The following NAF1 variants were observed in gnomAD, a reference collection of about 807,000 sequenced individuals.
The protein encoded by NAF1 is H/ACA ribonucleoprotein complex non-core subunit NAF1.
In NAF1, 11 loss-of-function variants were observed where a neutral mutation model predicts 40.6. The ratio of observed to expected loss-of-function variants is 0.27; its 90% CI spans 0.17 to 0.45. The LOEUF (loss-of-function observed/expected upper bound fraction) is 0.45. Among genes scored for constraint, NAF1 ranks in the 20% least tolerant of loss-of-function variants. The probability of loss-of-function intolerance (pLI) is 1.00; values close to 1 mark genes in which losing one functional copy is unlikely to be tolerated. For missense variants in NAF1, 607 were observed against 611.1 expected (o/e 0.99, Z 0.07); for synonymous variants, 260 against 228.5 (o/e 1.14, Z -1.24).
intron 2 of NAF1, among the ~76,000 whole-genome samples, chr4:163,120,492 T>A (rs1730485865): frequency 6.6e-6 from 1 of 152,230 alleles, no homozygotes. Flanking sequence ...CAGTTTGTTC[T>A]GTTTGAAAGA....
intron 2 of NAF1, among the ~76,000 whole-genome samples, chr4:163,153,647 A>G (rs1174732273): frequency 6.6e-6 from 1 of 152,036 alleles, no homozygotes; most frequent in Non-Finnish European, 1.5e-5. Flanking sequence ...TATCTAACTA[A>G]TCTGATGGGG....
chr4:163,146,416 A>G (rs151093258), intron 3 of NAF1, among the ~76,000 whole-genome samples: 2 of 152,182 alleles, frequency 1.3e-5, no homozygotes, highest in Non-Finnish European at 2.9e-5. Context: ...CAAAAACATA[A>G]TCTCCAAATC....
At chr4:163,132,898 A>G (rs1329662506) in intron 7 of NAF1, among the ~76,000 whole-genome samples, 1 of 152,264 alleles carries the variant, frequency 6.6e-6, no homozygotes, top group African/African-American at 2.4e-5. Context: ...AAATGGAAGC[A>G]AATAGGTATC....
chr4:163,131,586 C>T (rs1180510497), intron 7 of NAF1, among the ~76,000 whole-genome samples: 1 of 152,120 alleles, frequency 6.6e-6, no homozygotes, highest in Non-Finnish European at 1.5e-5. Context: ...CAAAATTTAA[C>T]TCAAAATGAA....
Position 163,164,272 on chromosome 4 carries a change from A to G in NAF1, c.485T>C (p.Ile162Thr). 1 of 1,585,386 alleles carries G rather than the reference A, an allele frequency of 6.3e-7. No homozygotes were observed. Among genetic ancestry groups the G allele is most frequent in the Non-Finnish European group, 8.5e-7 (1 of 1,169,718 alleles). Residue 162 changes from isoleucine to threonine, a missense_variant, in exon 2 of 8, where the codon ATT (isoleucine) becomes ACT (threonine). By Grantham distance (89) the Ile-to-Thr change is moderately conservative (BLOSUM62 -1). This residue lies in a region of NAF1 where 407 missense variants were observed against 365.5 expected (regional missense o/e 1.11). Transcript: ENST00000274054. ...AGGAAAATTCTTATTTTCCTTCTCAATTTGTAAATCATCATCTCCATCTGA... is the reference window on the plus strand; with the variant it reads ...AGGAAAATTCTTATTTTCCTTCTCAGTTTGTAAATCATCATCTCCATCTGA... ...VLSDGDDDLQ[I>T]EKENKNFPLK...
In NAF1 at chr4:163,151,765, A is replaced by G. The variant is rs1054743230; in HGVS notation, c.541-3331T>C. On this transcript the variant is annotated intron_variant, in intron 2 of 7. Coordinates refer to ENST00000274054, the MANE Select transcript of NAF1 (RefSeq NM_138386.3). ...CACTACACTTCAGAACTATTTTGTC[A>G]TATTAGTGTTATCAGTATTGATTGA... Among the ~76,000 whole-genome samples, 16 of 152,012 alleles carry G rather than the reference A, an allele frequency of 1.1e-4. 2 individuals carry two copies. The highest frequency in any genetic ancestry group is 1.0e-3 in the Admixed American group (16 of 15,272).
chr4:163,158,072 G>T (rs1418491180), intron 2 of NAF1, among the ~76,000 whole-genome samples: 1 of 152,076 alleles, frequency 6.6e-6, no homozygotes, highest in Non-Finnish European at 1.5e-5. Context: ...AACAGAGGTT[G>T]GTGGGAGAAG....
intron 2 of NAF1, among the ~76,000 whole-genome samples, chr4:163,115,152 C>T (rs1730288296): frequency 6.7e-6 from 1 of 149,240 alleles, no homozygotes; most frequent in African/African-American, 2.5e-5. Flanking sequence ...TACATTTTTT[C>T]TGTTATTCTC....
At chr4:163,110,372 A>C (rs930832477) in intron 2 of NAF1, 54 of 662,752 alleles carry the variant, frequency 8.1e-5, no homozygotes, top group African/African-American at 7.3e-4. Context: ...ATATTGTTAT[A>C]ATTGTCCTAT....
At position 163,141,458 on chromosome 4, in the gene NAF1, T is replaced by C. The variant is rs74862365; in HGVS notation, c.718-1075A>G. Among the ~76,000 whole-genome samples the C allele has an allele frequency of 3.1e-4, 47 of 152,350 alleles. No homozygotes were observed. In the East Asian group the frequency reaches 7.3e-3, roughly 24 times the overall value. The stretch of plus-strand genomic sequence containing the variant: ...TATTTTTTTCTTTAAGACCATACTG[T>C]AGTTTTGTATACTGCCCCCTTTTAA... On this transcript the variant is annotated intron_variant, in intron 4 of 7. Transcript: ENST00000274054.
chr4:163,121,882 T>G (rs1395622187), downstream of NAF1, among the ~76,000 whole-genome samples: 13 of 152,206 alleles, frequency 8.5e-5, no homozygotes, highest in Non-Finnish European at 1.8e-4. Flanking sequence ...AAAGAATTGT[T>G]TATCTTCTTT....
At chr4:163,135,551 G>C (rs1560788865) in intron 6 of NAF1, 3 of 152,230 alleles carry the variant, frequency 2.0e-5, no homozygotes. Flanking sequence ...AGCACTTTGA[G>C]AGGCAGAGAG....
downstream of NAF1, among the ~76,000 whole-genome samples, chr4:163,122,614 ACTGT>A (rs1250932043): frequency 6.6e-6 from 1 of 152,182 alleles, no homozygotes; most frequent in African/African-American, 2.4e-5. Flanking sequence ...CTATAGTTTG[ACTGT>A]CTGTCCCCTC....
intron 3 of NAF1, among the ~76,000 whole-genome samples, chr4:163,146,337 CAGA>C (rs1413723027): frequency 2.6e-5 from 4 of 152,132 alleles, no homozygotes; most frequent in Admixed American, 1.3e-4. Context: ...TTCCTATGAA[CAGA>C]AGAAGTAAAA....
At chr4:163,148,651 C>T (rs763356902) in intron 2 of NAF1, among the ~76,000 whole-genome samples, 4 of 152,128 alleles carry the variant, frequency 2.6e-5, no homozygotes, top group Admixed American at 6.5e-5. Flanking sequence ...CTCAAGTATA[C>T]ACCCCAAATT....
intron 2 of NAF1, among the ~76,000 whole-genome samples, chr4:163,160,142 T>C (rs1022695392): frequency 1.3e-5 from 2 of 152,180 alleles, no homozygotes; most frequent in East Asian, 3.9e-4. Flanking sequence ...CTGTAATATG[T>C]ATGCTGCTTA....
intron 2 of NAF1, among the ~76,000 whole-genome samples, chr4:163,159,663 C>T (rs1282251597): frequency 1.3e-5 from 2 of 152,126 alleles, no homozygotes; most frequent in Non-Finnish European, 2.9e-5. Context: ...CACACTGCCA[C>T]AATCAGGAGA....
intron 3 of NAF1, 125 bp downstream of exon 3, chr4:163,148,216 T>G: frequency 2.1e-6 from 1 of 471,724 alleles, no homozygotes; most frequent in Non-Finnish European, 3.8e-6. Context: ...CCCTTCAAAC[T>G]TAATGACTAT....
At chr4:163,113,579 TA>T (rs1730231510) in intron 2 of NAF1, among the ~76,000 whole-genome samples, 1 of 144,378 alleles carries the variant, frequency 6.9e-6, no homozygotes, top group East Asian at 2.0e-4. Flanking sequence ...TCAGAAATTT[TA>T]ACCCTGCAGC....
Sources: gnomAD v4.1 joint callset for allele counts (sites outside exome capture counted in the v4.1 genomes callset) on GRCh38, gnomAD v4.1.1 for gene constraint, gnomAD v4.1.1 regional missense constraint, MANE v1.5 for transcripts, NCBI Gene and HGNC (gene_info 2026-07-23, HGNC 2026-07-21) for gene names.